Variants in TRPC1 observed in about 807,000 individuals in gnomAD.
TRPC1 encodes short transient receptor potential channel 1.
Under a neutral mutation model 88.2 loss-of-function variants are expected in TRPC1, and 42 were observed. The observed-to-expected ratio is 0.48, with a 90% CI of 0.37 to 0.62. The LOEUF (loss-of-function observed/expected upper bound fraction) is 0.62. Among genes scored for constraint, TRPC1 ranks in the 20% least tolerant of loss-of-function variants. The probability of loss-of-function intolerance (pLI) is 0.00; values close to 1 mark genes in which losing one functional copy is unlikely to be tolerated. For synonymous variants in TRPC1, 288 were observed against 331.8 expected, an observed-to-expected ratio of 0.87 and a Z score of 1.43; for missense variants, 699 against 957.3, an observed-to-expected ratio of 0.73 and a Z score of 3.56.
intron 3 of TRPC1, 108 bp downstream of exon 3, chr3:142,743,694 T>C: frequency 1.6e-6 from 1 of 611,074 alleles, no homozygotes; most frequent in South Asian, 3.9e-5. Context: ...TTTCAAAAAA[T>C]AGATATTTTT....
chr3:142,759,051 A>G (rs1251364621), intron 4 of TRPC1, among the ~76,000 whole-genome samples: 1 of 152,092 alleles, frequency 6.6e-6, no homozygotes, highest in Non-Finnish European at 1.5e-5. Context: ...TATATGTGCC[A>G]CATTTTTTTT....
At chr3:142,772,515 G>T (rs1468943185) in intron 4 of TRPC1, among the ~76,000 whole-genome samples, 2 of 152,138 alleles carry the variant, frequency 1.3e-5, no homozygotes, top group South Asian at 2.1e-4. Flanking sequence ...AAATTTTGTG[G>T]CTGGGCGCCG....
rs778183660 is a variant in TRPC1, at chr3:142,748,343, A to G, written c.515A>G (p.Tyr172Cys). The G allele has an allele frequency of 4.3e-6, 7 of 1,614,116 alleles. No homozygotes were observed. The highest frequency in any genetic ancestry group is 1.1e-5 in the South Asian group (1 of 91,078). Residue 172 changes from tyrosine to cysteine, a missense_variant, in exon 4 of 13, where the codon TAT becomes TGT. This residue lies in a region of TRPC1 where 426 missense variants were observed against 641.3 expected (regional missense o/e 0.66). Transcript: ENST00000476941. ...PVILAAHRNNYEILTMLLKQD... is the reference protein window; with the variant it reads ...PVILAAHRNNCEILTMLLKQD... ...ATTTTAGCTGCTCATCGTAACAACTATGAAATTCTTACAATGCTCTTAAAA... is the reference window on the plus strand; with the variant it reads ...ATTTTAGCTGCTCATCGTAACAACTGTGAAATTCTTACAATGCTCTTAAAA...
chr3:142,731,545 C>T (rs139777785), intron 1 of TRPC1, among the ~76,000 whole-genome samples: 259 of 151,754 alleles, frequency 1.7e-3, no homozygotes, highest in African/African-American at 6.1e-3. Flanking sequence ...CCACCATGCC[C>T]GGCTAATTTT....
intron 4 of TRPC1, among the ~76,000 whole-genome samples, chr3:142,751,532 C>T (rs888308160): frequency 1.1e-4 from 17 of 152,148 alleles, no homozygotes; most frequent in African/African-American, 4.1e-4. Context: ...TGTCTAACAA[C>T]ACATTTCTCA....
intron 7 of TRPC1, among the ~76,000 whole-genome samples, chr3:142,786,646 G>A (rs535443672): frequency 6.6e-6 from 1 of 152,200 alleles, no homozygotes; most frequent in East Asian, 1.9e-4. Context: ...CTCTTTCAAT[G>A]TGAAATATGT....
chr3:142,806,478 C>A lies in TRPC1; in HGVS notation c.*243C>A. 3.4e-6 allele frequency: 1 copy of A among 295,232 alleles called. No individual in the cohort carries two copies. Among genetic ancestry groups the A allele is most frequent in the Non-Finnish European group, 6.3e-6 (1 of 159,512 alleles). 18.3% of individuals were successfully genotyped at this position (295,232 alleles called of 1,614,324 possible). Reference sequence around the variant, plus strand: ...AGATTAAGTAGATAGATTTTGTTAGCATGCTGCTTGGTTTTCTTACTTAGT... The same window carrying A: ...AGATTAAGTAGATAGATTTTGTTAGAATGCTGCTTGGTTTTCTTACTTAGT... On this transcript the variant is annotated 3_prime_UTR_variant, in exon 13 of 13. Coordinates refer to ENST00000476941, the MANE Select transcript of TRPC1 (RefSeq NM_001251845.2).
chr3:142,753,387 T>C (rs1340979873), intron 4 of TRPC1, among the ~76,000 whole-genome samples: 1 of 152,154 alleles, frequency 6.6e-6, no homozygotes, highest in African/African-American at 2.4e-5. Flanking sequence ...GAGAAAACAT[T>C]TGTACGAAAT....
chr3:142,778,795 C>T (rs902435892), intron 5 of TRPC1, among the ~76,000 whole-genome samples: 1 of 152,024 alleles, frequency 6.6e-6, no homozygotes, highest in East Asian at 1.9e-4. Flanking sequence ...AACAGCAGTA[C>T]TTAATGTGTT....
At position 142,738,419 on chromosome 3, in the gene TRPC1, AAATT is replaced by A. The variant is rs371665007; in HGVS notation, c.327+1889_327+1892del. ...ATTAAAGTATGTATGAATTACAAGT[AAATT>A]AAGTAATACAAAGGTATATTTGGTA... is the stretch of plus-strand genomic sequence containing the variant. On this transcript the variant is annotated intron_variant, in intron 2 of 12. Transcript: ENST00000476941. Among the ~76,000 whole-genome samples the A allele has an allele frequency of 2.7e-3, 416 of 152,340 alleles. 3 individuals are homozygous for A. Among genetic ancestry groups the A allele is most frequent in the South Asian group, 0.021 (101 of 4,828 alleles).
At chr3:142,803,283 T>G (rs1035066615) in intron 10 of TRPC1, among the ~76,000 whole-genome samples, 1 of 152,144 alleles carries the variant, frequency 6.6e-6, no homozygotes, top group African/African-American at 2.4e-5. Flanking sequence ...GAAGAACATT[T>G]CTGGGGGAAG....
intron 3 of TRPC1, among the ~76,000 whole-genome samples, chr3:142,745,091 C>T (rs1460345689): frequency 1.3e-5 from 2 of 152,136 alleles, no homozygotes; most frequent in Non-Finnish European, 2.9e-5. Context: ...AGGATAGTAC[C>T]ATCTAGTTTA....
At chr3:142,791,301 A>G in intron 8 of TRPC1, 143 bp downstream of exon 8, 1 of 654,820 alleles carries the variant, frequency 1.5e-6, no homozygotes, top group Non-Finnish European at 2.3e-6. Context: ...GTGTGCACAT[A>G]GTTTCCTATT....
intron 9 of TRPC1, among the ~76,000 whole-genome samples, chr3:142,794,688 A>G (rs1181452284): frequency 2.6e-5 from 4 of 152,110 alleles, no homozygotes; most frequent in Non-Finnish European, 5.9e-5. Context: ...AGTATTCAGC[A>G]GAGTACTGAT....
intron 7 of TRPC1, among the ~76,000 whole-genome samples, chr3:142,788,406 G>A (rs1197590648): frequency 6.6e-6 from 1 of 152,168 alleles, no homozygotes; most frequent in Non-Finnish European, 1.5e-5. Flanking sequence ...AGAGGTGAAG[G>A]AAAGGGAGAT....
In TRPC1 at chr3:142,766,189, G is replaced by A. The variant is rs1349091695; in HGVS notation, c.633-11443G>A. On this transcript the variant is annotated intron_variant, in intron 4 of 12. Coordinates refer to ENST00000476941, the MANE Select transcript of TRPC1 (RefSeq NM_001251845.2). The stretch of plus-strand genomic sequence containing the variant: ...GATGGTTAATACTGAATGTCAACTC[G>A]ATTGGATTGAAGGGTACAAAGTATT... Among the ~76,000 whole-genome samples, 5 of 152,210 alleles carry A rather than the reference G, an allele frequency of 3.3e-5. No homozygotes were observed. In the East Asian group the frequency reaches 9.7e-4, roughly 29 times the overall value.
chr3:142,732,236 G>A (rs1244625734), intron 1 of TRPC1, among the ~76,000 whole-genome samples: 1 of 152,084 alleles, frequency 6.6e-6, no homozygotes, highest in Non-Finnish European at 1.5e-5. Flanking sequence ...GTTTGCTAAA[G>A]GCACTTAAGG....
At chr3:142,727,326 ATTC>A (rs988985029) in intron 1 of TRPC1, among the ~76,000 whole-genome samples, 15 of 152,212 alleles carry the variant, frequency 9.9e-5, no homozygotes, top group Admixed American at 6.5e-4. Flanking sequence ...TTCATAACAT[ATTC>A]TTCTTAGGAA....
At chr3:142,741,524 A>G (rs1934348593) in intron 2 of TRPC1, among the ~76,000 whole-genome samples, 1 of 152,182 alleles carries the variant, frequency 6.6e-6, no homozygotes, top group Non-Finnish European at 1.5e-5. Flanking sequence ...ACTGTTGTGC[A>G]TTGATAGTGA....
Sources: gnomAD v4.1 joint callset for allele counts (sites outside exome capture counted in the v4.1 genomes callset) on GRCh38, gnomAD v4.1.1 for gene constraint, gnomAD v4.1.1 regional missense constraint, MANE v1.5 for transcripts, NCBI Gene and HGNC (gene_info 2026-07-23, HGNC 2026-07-21) for gene names.